Variants in NIPBL observed in about 807,000 individuals in gnomAD.
NIPBL encodes NIPBL cohesin loading factor.
NIPBL carries 19 observed loss-of-function variants against 321.8 expected under a neutral mutation model. The observed-to-expected ratio is 0.06, with a 90% CI of 0.04 to 0.09. The LOEUF is 0.09. Among genes scored for constraint, NIPBL ranks in the 10% least tolerant of loss-of-function variants. NIPBL has a pLI of 1.00. For synonymous variants in NIPBL, 1,106 were observed against 1,114.1 expected (o/e 0.99, Z 0.14); for missense variants, 2,210 against 3,327.0 (o/e 0.66, Z 8.26).
rs147110911 is a variant in NIPBL at position 37,064,600 on chromosome 5, T to G, written c.8123T>G (p.Met2708Arg). 6.2e-7 allele frequency: 1 copy of G among 1,614,202 alleles called. No homozygotes were observed. Among genetic ancestry groups the G allele is most frequent in the East Asian group, 2.2e-5 (1 of 44,884 alleles). The change falls in exon 47 of 47, where the codon ATG (methionine) becomes AGG (arginine). Residue 2708 changes from methionine (M) to arginine (R), a missense_variant. Physicochemically the swap from Met to Arg is moderately conservative, Grantham distance 91. Transcript: ENST00000282516. ...AAQMNESVDV[M>R]DVIAICCPKY... is the part of the protein sequence containing the mutation. ...CAGATGAATGAAAGTGTTGACGTCA[T>G]GGATGTCATCGCTATTTGCTGTCCA... is the stretch of plus-strand genomic sequence containing the variant.
chr5:36,883,007 G>A lies in NIPBL; in HGVS notation c.-80+5829G>A, dbSNP rs375871161. Among the ~76,000 whole-genome samples the A allele has an allele frequency of 1.3e-4, 19 of 151,892 alleles. No homozygotes were observed. The Middle Eastern group carries it at 0.01, about 82-fold the overall frequency. On this transcript the variant is annotated intron_variant, in intron 1 of 46. Transcript: ENST00000282516. ...GCAGGTACTGTGGAATATATTAAAT[G>A]TAGGTATCTGTGGAATAAGTAGCTT...
At position 36,929,981 on chromosome 5, in the gene NIPBL, T is replaced by C. The variant is rs574486415; in HGVS notation, c.-79-23637T>C. ...TAATAGCACACAATCTTGATTACTG[T>C]AGCTTCATAGTAAGTTTTGAAATTG... On this transcript the variant is annotated intron_variant, in intron 1 of 46. Transcript: ENST00000282516. 7.2e-5 allele frequency among the ~76,000 whole-genome samples: 11 copies of C among 152,192 alleles called. No homozygotes were observed. The South Asian group carries it at 1.2e-3, about 17-fold the overall frequency.
chr5:37,056,450 G>C (rs760854434), intron 42 of NIPBL, among the ~76,000 whole-genome samples: 11 of 151,952 alleles, frequency 7.2e-5, no homozygotes, highest in Non-Finnish European at 1.5e-4. Flanking sequence ...ATCATGAAAT[G>C]CTTGAATTCT....
chr5:36,986,484 T>C (rs888759638), intron 10 of NIPBL, among the ~76,000 whole-genome samples, 183 bp downstream of exon 10: 25 of 152,154 alleles, frequency 1.6e-4, no homozygotes, highest in African/African-American at 5.8e-4. Context: ...AATTTTTTTT[T>C]CCCCACAGTT....
chr5:36,932,971 A>G (rs1427203440), intron 1 of NIPBL, among the ~76,000 whole-genome samples: 2 of 151,820 alleles, frequency 1.3e-5, no homozygotes, highest in Non-Finnish European at 2.9e-5. Flanking sequence ...GTACAGGTGT[A>G]CGCTACTGCA....
intron 1 of NIPBL, chr5:36,886,294 G>A (rs1399874566): frequency 1.6e-5 from 11 of 676,298 alleles, no homozygotes; most frequent in African/African-American, 7.0e-5. Flanking sequence ...CCAGGAGTAC[G>A]AGACCATGCT....
chr5:36,897,068 T>C (rs906162522), intron 1 of NIPBL, among the ~76,000 whole-genome samples: 2 of 151,922 alleles, frequency 1.3e-5, no homozygotes, highest in African/African-American at 4.8e-5. Context: ...AATGGCACGA[T>C]CTTGGCTCAC....
At chr5:37,023,380 A>G (rs1252039475) in intron 29 of NIPBL, among the ~76,000 whole-genome samples, 1 of 152,208 alleles carries the variant, frequency 6.6e-6, no homozygotes, top group East Asian at 1.9e-4. Context: ...CACTTCATGT[A>G]TGATGCTTTT....
At position 37,043,618 on chromosome 5, in the gene NIPBL, C is replaced by T. The variant is rs145945620; in HGVS notation, c.6109-729C>T. 1.2e-3 allele frequency among the ~76,000 whole-genome samples: 179 copies of T among 152,124 alleles called. 1 individual carries two copies. The highest frequency in any genetic ancestry group is 4.1e-3 in the East Asian group (21 of 5,164). ...TCGAGAGACTGTCAGGAAAATCGCT[C>T]AAGCTCAGGAGCAGGATTGCATTGA... is the stretch of plus-strand genomic sequence containing the variant. On this transcript the variant is annotated intron_variant, in intron 34 of 46. Coordinates refer to ENST00000282516, the MANE Select transcript of NIPBL (RefSeq NM_133433.4).
rs1284582406 is a variant in NIPBL, at chr5:36,976,166, T to G, written c.1259T>G (p.Leu420Trp). 1 of 1,612,838 alleles carries G rather than the reference T, an allele frequency of 6.2e-7. No individual in the cohort carries two copies. The highest frequency in any genetic ancestry group is 2.2e-5 in the East Asian group (1 of 44,874). The change falls in exon 9 of 47, where the codon TTG becomes TGG. Residue 420 changes from leucine to tryptophan, a missense_variant. By Grantham distance (61) the Leu-to-Trp change is moderately conservative (BLOSUM62 -2). This residue lies in a region of NIPBL where 464 missense variants were observed against 529.5 expected (regional missense o/e 0.88). Coordinates refer to ENST00000282516, the MANE Select transcript of NIPBL (RefSeq NM_133433.4). ...CGCCCACTAAATGCTGCTCAATGTTTGTCGCAGCAAGAACAAACAGCATTC... is the reference window on the plus strand; with the variant it reads ...CGCCCACTAAATGCTGCTCAATGTTGGTCGCAGCAAGAACAAACAGCATTC... ...INRPLNAAQCLSQQEQTAFLP... is the reference protein window; with the variant it reads ...INRPLNAAQCWSQQEQTAFLP...
At chr5:37,034,964 G>C (rs1010478368) in intron 32 of NIPBL, among the ~76,000 whole-genome samples, 12 of 152,188 alleles carry the variant, frequency 7.9e-5, no homozygotes, top group African/African-American at 2.9e-4. Context: ...AAGGATGAGA[G>C]AGGATAGTTT....
intron 24 of NIPBL, 111 bp downstream of exon 24, chr5:37,017,273 C>A: frequency 1.8e-6 from 2 of 1,115,002 alleles, no homozygotes; most frequent in Non-Finnish European, 2.6e-6. Context: ...AAGATTTTTA[C>A]TTCTAAAAGT....
intron 43 of NIPBL, 61 bp from the exon 44 acceptor site, chr5:37,058,830 A>G (rs1187900688): frequency 2.0e-6 from 3 of 1,486,710 alleles, no homozygotes; most frequent in Admixed American, 1.7e-5. Flanking sequence ...TGAATGGAGC[A>G]TACTTATATT....
At chr5:36,917,682 T>C (rs1363613063) in intron 1 of NIPBL, among the ~76,000 whole-genome samples, 1 of 152,194 alleles carries the variant, frequency 6.6e-6, no homozygotes, top group Non-Finnish European at 1.5e-5. Flanking sequence ...CTTTAATCCT[T>C]CTTGAATTAA....
chr5:37,029,076 A>T (rs1368745455), intron 32 of NIPBL, among the ~76,000 whole-genome samples: 1 of 152,194 alleles, frequency 6.6e-6, no homozygotes, highest in Non-Finnish European at 1.5e-5. Context: ...CAAATACCTC[A>T]TAGGTGGTGT....
intron 10 of NIPBL, among the ~76,000 whole-genome samples, chr5:36,991,329 A>G (rs548944071): frequency 2.0e-5 from 3 of 152,278 alleles, no homozygotes; most frequent in African/African-American, 7.2e-5. Flanking sequence ...ATGTTGTTAT[A>G]GTAAAAGCTA....
intron 42 of NIPBL, 131 bp from the exon 43 acceptor site, chr5:37,057,055 C>T (rs1754172710): frequency 9.6e-6 from 8 of 834,784 alleles, no homozygotes; most frequent in South Asian, 1.5e-5. Flanking sequence ...CCACTCTCTC[C>T]GTGTGTGTCT....
At position 36,985,766 on chromosome 5, in the gene NIPBL, A is replaced by G; in HGVS notation, c.2586A>G (p.Lys862=). 1 of 1,613,886 alleles carries G rather than the reference A, an allele frequency of 6.2e-7. No homozygotes were observed. Among genetic ancestry groups the G allele is most frequent in the Non-Finnish European group, 8.5e-7 (1 of 1,179,938 alleles). The part of the protein sequence containing the change: ...NEHGIKSDSS[K]TDKLERKHRH... ...ATGGCATTAAATCTGATAGTTCAAA[A>G]ACTGATAAACTAGAACGAAAACACA... The change falls in exon 10 of 47, where the codon AAA becomes AAG. Residue 862 remains lysine (K), a synonymous_variant. Coordinates refer to ENST00000282516, the MANE Select transcript of NIPBL (RefSeq NM_133433.4).
intron 1 of NIPBL, among the ~76,000 whole-genome samples, chr5:36,938,307 A>C (rs1287331658): frequency 6.6e-6 from 1 of 151,780 alleles, no homozygotes; most frequent in African/African-American, 2.4e-5. Flanking sequence ...TCACCTCTTA[A>C]ATGGTTCAGG....
Sources: allele counts gnomAD v4.1 joint callset (sites outside exome capture counted in the v4.1 genomes callset), GRCh38; gene constraint gnomAD v4.1.1; regional missense constraint gnomAD v4.1.1; transcripts MANE v1.5; gene names NCBI Gene and HGNC (gene_info 2026-07-23, HGNC 2026-07-21).